The following ERC2 variants were observed in gnomAD, a reference collection of about 807,000 sequenced individuals.
ERC2 encodes ELKS/RAB6-interacting/CAST family member 2, also known as ERC protein 2.
ERC2 carries 42 observed loss-of-function variants against 114.8 expected under a neutral mutation model. That is an observed-to-expected ratio of 0.37 (90% confidence interval 0.29 to 0.47). The LOEUF (loss-of-function observed/expected upper bound fraction) is 0.47. ERC2 is among the 20% of genes least tolerant of loss of function. ERC2 has a pLI of 0.99. For synonymous variants in ERC2, 454 were observed against 425.5 expected (o/e 1.07, Z -0.82); for missense variants, 939 against 1,150.7 (o/e 0.82, Z 2.66).
chr3:56,243,733 G>T (rs1350113458), intron 3 of ERC2, among the ~76,000 whole-genome samples: 1 of 152,180 alleles, frequency 6.6e-6, no homozygotes, highest in Admixed American at 6.5e-5. Flanking sequence ...AAGATAGACA[G>T]GTGCAGTGCC....
chr3:56,269,949 C>T (rs1331066024), intron 3 of ERC2, among the ~76,000 whole-genome samples: 3 of 152,072 alleles, frequency 2.0e-5, no homozygotes, highest in African/African-American at 7.2e-5. Context: ...TGAAGCACTG[C>T]ATATGGACGC....
chr3:56,290,534 A>G (rs917261382), intron 3 of ERC2, among the ~76,000 whole-genome samples: 3 of 152,264 alleles, frequency 2.0e-5, no homozygotes, highest in African/African-American at 7.2e-5. Context: ...AATAGAATGT[A>G]TTGAATCTGT....
chr3:56,418,435 C>A (rs1478847657), intron 2 of ERC2, among the ~76,000 whole-genome samples: 1 of 152,160 alleles, frequency 6.6e-6, no homozygotes, highest in Non-Finnish European at 1.5e-5. Context: ...TACAGTCAAT[C>A]CTGACACTGG....
chr3:55,599,523 T>C (rs2058304134), intron 17 of ERC2, among the ~76,000 whole-genome samples: 2 of 152,222 alleles, frequency 1.3e-5, no homozygotes, highest in South Asian at 4.1e-4. Flanking sequence ...ATTATGTGTG[T>C]GTGTTTGTGT....
intron 6 of ERC2, among the ~76,000 whole-genome samples, chr3:56,109,675 T>C (rs2078856745): frequency 6.6e-6 from 1 of 152,166 alleles, no homozygotes; most frequent in South Asian, 2.1e-4. Context: ...AAGTAAAGAA[T>C]GTAAAGGTAC....
chr3:55,747,680 T>C (rs2066394783), intron 14 of ERC2, among the ~76,000 whole-genome samples: 2 of 152,368 alleles, frequency 1.3e-5, no homozygotes, highest in Non-Finnish European at 1.5e-5. Context: ...AGCAAATACA[T>C]GTGGCCATTG....
chr3:56,455,003 A>C (rs2062999607), intron 1 of ERC2, among the ~76,000 whole-genome samples: 1 of 152,196 alleles, frequency 6.6e-6, no homozygotes, highest in Non-Finnish European at 1.5e-5. Context: ...TAGAATAGTC[A>C]AATTCATAGA....
At chr3:55,906,431 CA>C (rs368262866) in intron 13 of ERC2, among the ~76,000 whole-genome samples, 22,492 of 68,008 alleles carry the variant, frequency 0.33, 1,869 homozygotes, top group Non-Finnish European at 0.4. Context: ...GACTCTGTCT[CA>C]AAAAAAAAAA....
At chr3:55,582,494 G>A (rs150494983) in intron 17 of ERC2, among the ~76,000 whole-genome samples, 164 of 152,296 alleles carry the variant, frequency 1.1e-3, no homozygotes, top group African/African-American at 3.8e-3. Context: ...TCCAGAAGTT[G>A]GCTATCAATA....
At chr3:55,925,831 C>A (rs115779917) in intron 13 of ERC2, among the ~76,000 whole-genome samples, 1 of 152,120 alleles carries the variant, frequency 6.6e-6, no homozygotes, top group Non-Finnish European at 1.5e-5. Context: ...TTACTGTACA[C>A]GGTAGTATTT....
intron 3 of ERC2, among the ~76,000 whole-genome samples, chr3:56,191,763 C>A (rs2047801062): frequency 1.3e-5 from 2 of 152,094 alleles, no homozygotes; most frequent in Admixed American, 1.3e-4. Context: ...ACTCCCCCAC[C>A]CCAGACACCA....
At chr3:56,408,654 A>AT (rs2060819351) in intron 2 of ERC2, among the ~76,000 whole-genome samples, 1 of 152,222 alleles carries the variant, frequency 6.6e-6, no homozygotes. Context: ...TTACTTATCT[A>AT]TTATTAGACA....
chr3:55,864,140 CATATATATATATATACACATATATAT>C (rs1559782859), intron 14 of ERC2, among the ~76,000 whole-genome samples: 34 of 137,182 alleles, frequency 2.5e-4, no homozygotes, highest in Non-Finnish European at 3.4e-4. Flanking sequence ...TATATATATA[CATATATATATATATACACATATATAT>C]ACACATATAT....
rs143483536 is a variant in ERC2 at position 55,723,274 on chromosome 3, C to T, written c.2712+11497G>A. On this transcript the variant is annotated intron_variant, in intron 15 of 17. Transcript: ENST00000288221. ...CAATGGAATGTAGGAAACTATAAAT[C>T]TTAGTGACAGTTATTTCTGAGTAGT... is the stretch of plus-strand genomic sequence containing the variant. Among the ~76,000 whole-genome samples the T allele has an allele frequency of 1.4e-3, 220 of 152,160 alleles. 3 individuals carry two copies. The East Asian group carries it at 0.019, about 13-fold the overall frequency.
At chr3:55,885,617 T>A (rs879335533) in intron 14 of ERC2, among the ~76,000 whole-genome samples, 2 of 152,218 alleles carry the variant, frequency 1.3e-5, no homozygotes, top group Non-Finnish European at 2.9e-5. Flanking sequence ...AGGTGCTATC[T>A]GAAACCATGA....
At chr3:56,123,237 C>A (rs373061963) in intron 6 of ERC2, among the ~76,000 whole-genome samples, 4 of 152,204 alleles carry the variant, frequency 2.6e-5, no homozygotes, top group African/African-American at 4.8e-5. Context: ...GGAAGTGGGG[C>A]CTTTTAGAGG....
chr3:56,403,602 G>A (rs1453958803), intron 2 of ERC2, among the ~76,000 whole-genome samples: 1 of 152,140 alleles, frequency 6.6e-6, no homozygotes, highest in African/African-American at 2.4e-5. Context: ...AGAATCCCAG[G>A]CCTCAACAGA....
intron 17 of ERC2, among the ~76,000 whole-genome samples, chr3:55,604,510 C>G (rs548867868): frequency 6.6e-6 from 1 of 151,684 alleles, no homozygotes; most frequent in Admixed American, 6.6e-5. Flanking sequence ...ACACTACACT[C>G]AGCAGGCATG....
intron 2 of ERC2, among the ~76,000 whole-genome samples, chr3:56,420,744 A>C (rs926388534): frequency 6.6e-6 from 1 of 151,070 alleles, no homozygotes; most frequent in South Asian, 2.1e-4. Context: ...AAAAAAAAAA[A>C]TTATCTGGGT....
Sources: gnomAD v4.1 joint callset for allele counts (sites outside exome capture counted in the v4.1 genomes callset) on GRCh38, gnomAD v4.1.1 for gene constraint, MANE v1.5 for transcripts, NCBI Gene and HGNC (gene_info 2026-07-23, HGNC 2026-07-21) for gene names.